Variants in KLHL1 observed in about 807,000 individuals in gnomAD.
The protein encoded by KLHL1 is kelch like family member 1, also known as kelch-like protein 1.
A neutral mutation model predicts 77.7 loss-of-function variants in KLHL1; 47 were observed. That is an observed-to-expected ratio of 0.60 (90% confidence interval 0.48 to 0.77). KLHL1 has a LOEUF of 0.77. KLHL1 is among the 30% of genes least tolerant of loss of function. The probability of loss-of-function intolerance (pLI) is 0.00; values close to 1 mark genes in which losing one functional copy is unlikely to be tolerated. For missense variants in KLHL1, 925 were observed against 910.8 expected, an observed-to-expected ratio of 1.02 and a Z score of -0.20; for synonymous variants, 360 against 325.2, an observed-to-expected ratio of 1.11 and a Z score of -1.15.
At chr13:70,102,730 T>C (rs1452077672) in intron 1 of KLHL1, among the ~76,000 whole-genome samples, 1 of 152,204 alleles carries the variant, frequency 6.6e-6, no homozygotes, top group East Asian at 1.9e-4. Context: ...ATGTAATCAT[T>C]ATACCAGAGG....
At chr13:69,804,310 G>T (rs73212512) in intron 6 of KLHL1, among the ~76,000 whole-genome samples, 2 of 151,464 alleles carry the variant, frequency 1.3e-5, no homozygotes, top group Non-Finnish European at 2.9e-5. Context: ...TTTTTTGTGG[G>T]GGGGGGAAAT....
intron 7 of KLHL1, among the ~76,000 whole-genome samples, chr13:69,776,184 T>C (rs1019907170): frequency 1.3e-5 from 2 of 151,976 alleles, no homozygotes; most frequent in Non-Finnish European, 2.9e-5. Context: ...AAAAAAATAA[T>C]TGTTCTTATG....
chr13:69,948,740 G>A (rs377234490), intron 3 of KLHL1, among the ~76,000 whole-genome samples: 22 of 151,922 alleles, frequency 1.4e-4, no homozygotes, highest in Admixed American at 1.4e-3. Context: ...TTTCTTATTA[G>A]ACACATCATC....
At chr13:70,008,164 G>C (rs1384595214) in intron 1 of KLHL1, among the ~76,000 whole-genome samples, 1 of 151,906 alleles carries the variant, frequency 6.6e-6, no homozygotes, top group Non-Finnish European at 1.5e-5. Flanking sequence ...CTAGGAGATA[G>C]TTTATTTGTA....
At chr13:69,743,477 G>A (rs569869924) in intron 7 of KLHL1, among the ~76,000 whole-genome samples, 11 of 152,020 alleles carry the variant, frequency 7.2e-5, no homozygotes, top group Non-Finnish European at 1.5e-5. Context: ...ATGTATAGGG[G>A]TATATGAATA....
intron 6 of KLHL1, among the ~76,000 whole-genome samples, chr13:69,833,816 C>T (rs1182765113): frequency 1.3e-5 from 2 of 149,360 alleles, no homozygotes; most frequent in Admixed American, 6.7e-5. Flanking sequence ...TATATATACA[C>T]ACACACACAT....
At chr13:69,797,666 A>AG (rs1877174009) in intron 6 of KLHL1, among the ~76,000 whole-genome samples, 2 of 149,526 alleles carry the variant, frequency 1.3e-5, no homozygotes, top group South Asian at 4.3e-4. Flanking sequence ...AAAATACAAA[A>AG]AAAAAAAAAA....
At chr13:69,999,970 G>A (rs899998774) in intron 1 of KLHL1, among the ~76,000 whole-genome samples, 4 of 152,004 alleles carry the variant, frequency 2.6e-5, no homozygotes, top group African/African-American at 9.7e-5. Flanking sequence ...GGGTTGGTGA[G>A]AGGTATTTGG....
At chr13:69,825,158 T>A (rs1271690871) in intron 6 of KLHL1, among the ~76,000 whole-genome samples, 1 of 152,120 alleles carries the variant, frequency 6.6e-6, no homozygotes, top group Non-Finnish European at 1.5e-5. Flanking sequence ...TAATAATATG[T>A]TGATAAAATA....
chr13:69,877,873 T>C (rs1474222504), intron 5 of KLHL1, among the ~76,000 whole-genome samples: 1 of 152,162 alleles, frequency 6.6e-6, no homozygotes, highest in Non-Finnish European at 1.5e-5. Context: ...CATAACTTAA[T>C]GTGCTAATTT....
chr13:69,712,114 T>C (rs1035345363), intron 9 of KLHL1, among the ~76,000 whole-genome samples: 2 of 152,118 alleles, frequency 1.3e-5, no homozygotes, highest in Admixed American at 1.3e-4. Flanking sequence ...AAACAACACT[T>C]TTGTTGGTAT....
intron 6 of KLHL1, among the ~76,000 whole-genome samples, chr13:69,807,201 A>C (rs1877653352): frequency 6.6e-6 from 1 of 152,012 alleles, no homozygotes; most frequent in Non-Finnish European, 1.5e-5. Context: ...TCCAGTTGTA[A>C]TTGGACTGCA....
intron 1 of KLHL1, among the ~76,000 whole-genome samples, chr13:69,991,311 G>T (rs903136003): frequency 2.6e-5 from 4 of 151,744 alleles, no homozygotes; most frequent in African/African-American, 9.7e-5. Context: ...AATCAGAGCT[G>T]AACTGAAGAA....
At chr13:69,858,529 T>C (rs1023416255) in intron 5 of KLHL1, among the ~76,000 whole-genome samples, 3 of 152,120 alleles carry the variant, frequency 2.0e-5, no homozygotes, top group Non-Finnish European at 2.9e-5. Context: ...TAGAAGAGCA[T>C]ATTTAATTAG....
At chr13:70,052,392 G>A (rs919159322) in intron 1 of KLHL1, among the ~76,000 whole-genome samples, 2 of 151,512 alleles carry the variant, frequency 1.3e-5, no homozygotes, top group African/African-American at 4.8e-5. Flanking sequence ...ATAAGTGTTT[G>A]GAGCAAGTAT....
At chr13:70,034,770 T>G (rs868752090) in intron 1 of KLHL1, among the ~76,000 whole-genome samples, 1 of 152,142 alleles carries the variant, frequency 6.6e-6, no homozygotes, top group South Asian at 2.1e-4. Context: ...ATATCTAGAG[T>G]TCTTAAACAG....
At chr13:69,913,283 G>T (rs961820827) in intron 4 of KLHL1, among the ~76,000 whole-genome samples, 1 of 152,186 alleles carries the variant, frequency 6.6e-6, no homozygotes, top group East Asian at 1.9e-4. Flanking sequence ...CCCAAGTTTG[G>T]CTTCCCAGGA....
intron 6 of KLHL1, among the ~76,000 whole-genome samples, chr13:69,802,201 C>CT (rs1877415232): frequency 6.6e-6 from 1 of 152,082 alleles, no homozygotes; most frequent in Admixed American, 6.6e-5. Flanking sequence ...TAAATTCATT[C>CT]TTTTTTATGG....
chr13:70,033,530 A>G (rs1243517135), intron 1 of KLHL1, among the ~76,000 whole-genome samples: 3 of 148,962 alleles, frequency 2.0e-5, no homozygotes, highest in East Asian at 2.0e-4. Context: ...GATGGTCTCA[A>G]TCTCCGACCT....
Sources: gnomAD v4.1 joint callset for allele counts (sites outside exome capture counted in the v4.1 genomes callset) on GRCh38, gnomAD v4.1.1 for gene constraint, MANE v1.5 for transcripts, NCBI Gene and HGNC (gene_info 2026-07-23, HGNC 2026-07-21) for gene names.